Variants in ABTB3 observed in about 807,000 individuals in gnomAD.
ABTB3 encodes the protein ankyrin repeat- and BTB/POZ domain-containing protein 3.
the ABTB3 span, chr12:107,620,312 A>G: frequency 9.5e-7 from 1 of 1,056,702 alleles, no homozygotes; most frequent in Non-Finnish European, 1.4e-6. Context: ...CAGCAGACGA[A>G]AGCTACCTGT....
chr12:107,617,367 G>A, the ABTB3 span: 1 of 1,614,056 alleles, frequency 6.2e-7, no homozygotes, highest in African/African-American at 1.3e-5. Flanking sequence ...ACCATGTACA[G>A]GAATGGAATT....
the ABTB3 span, among the ~76,000 whole-genome samples, chr12:107,500,554 A>G: frequency 2.4e-4 from 37 of 152,298 alleles, no homozygotes; most frequent in Non-Finnish European, 4.4e-4. Flanking sequence ...GACCTTGGAC[A>G]AGTCACTAAA....
the ABTB3 span, among the ~76,000 whole-genome samples, chr12:107,422,191 G>T: frequency 6.6e-6 from 1 of 152,098 alleles, no homozygotes; most frequent in Non-Finnish European, 1.5e-5. Flanking sequence ...TCTAGATGGA[G>T]GAAGGAACAA....
At chr12:107,425,005 G>A in the ABTB3 span, among the ~76,000 whole-genome samples, 20 of 152,234 alleles carry the variant, frequency 1.3e-4, no homozygotes, top group Middle Eastern at 3.4e-3. Flanking sequence ...TCCATGCTGC[G>A]GACACAACAT....
At chr12:107,392,896 C>T in the ABTB3 span, among the ~76,000 whole-genome samples, 5 of 152,182 alleles carry the variant, frequency 3.3e-5, no homozygotes, top group African/African-American at 4.8e-5. Flanking sequence ...GAAGCTCTCC[C>T]GCCCTGTGGA....
the ABTB3 span, chr12:107,617,010 C>T: frequency 3.5e-6 from 5 of 1,413,670 alleles, no homozygotes; most frequent in Non-Finnish European, 4.0e-6. Context: ...TGGCATCTCA[C>T]CCATCCCAGC....
chr12:107,522,571 GTCTC>G, the ABTB3 span, among the ~76,000 whole-genome samples: 6 of 141,958 alleles, frequency 4.2e-5, no homozygotes, highest in East Asian at 1.1e-3. Context: ...TTTTTTAATT[GTCTC>G]TCTCTCTCTC....
chr12:107,387,972 C>CTTT, the ABTB3 span, among the ~76,000 whole-genome samples: 503 of 120,168 alleles, frequency 4.2e-3, 16 homozygotes, highest in East Asian at 5.0e-3. Context: ...TCTTCTTCTT[C>CTTT]TTTTTTTTTT....
chr12:107,329,688 T>A, the ABTB3 span, among the ~76,000 whole-genome samples: 2 of 152,212 alleles, frequency 1.3e-5, no homozygotes, highest in Admixed American at 1.3e-4. Flanking sequence ...CTTTGTTACA[T>A]GAGAGTAATA....
chr12:107,612,849 G>A, the ABTB3 span: 15 of 1,613,554 alleles, frequency 9.3e-6, no homozygotes, highest in African/African-American at 6.7e-5. Flanking sequence ...GCTGGATGCC[G>A]GAGCTGACCT....
At chr12:107,385,638 GT>G in the ABTB3 span, among the ~76,000 whole-genome samples, 4 of 152,158 alleles carry the variant, frequency 2.6e-5, no homozygotes, top group Non-Finnish European at 5.9e-5. Context: ...GGGCTGAGAT[GT>G]TCCTTGGAAA....
chr12:107,427,457 T>C, the ABTB3 span, among the ~76,000 whole-genome samples: 1 of 152,114 alleles, frequency 6.6e-6, no homozygotes, highest in East Asian at 1.9e-4. Flanking sequence ...ATTTTTTATT[T>C]TTTGTAGACA....
At chr12:107,387,972 C>CTTTTTTT in the ABTB3 span, among the ~76,000 whole-genome samples, 2 of 120,206 alleles carry the variant, frequency 1.7e-5, no homozygotes, top group African/African-American at 6.6e-5. Context: ...TCTTCTTCTT[C>CTTTTTTT]TTTTTTTTTT....
the ABTB3 span, among the ~76,000 whole-genome samples, chr12:107,442,288 G>A: frequency 2.6e-5 from 4 of 152,170 alleles, no homozygotes; most frequent in Admixed American, 2.6e-4. Context: ...AGAGTAATTC[G>A]GGTCCTATTA....
the ABTB3 span, among the ~76,000 whole-genome samples, chr12:107,479,848 C>T: frequency 2.0e-5 from 3 of 152,118 alleles, no homozygotes; most frequent in African/African-American, 4.8e-5. Context: ...GATGTAGGCA[C>T]TATGATTAGC....
At chr12:107,335,286 CAAAAAAAAAAAAAAAAAAA>C in the ABTB3 span, among the ~76,000 whole-genome samples, 62 of 18,648 alleles carry the variant, frequency 3.3e-3, 1 homozygote, top group South Asian at 0.066. Context: ...GACCTTGTCT[CAAAAAAAAAAAAAAAAAAA>C]AAAAAAAAAA....
At chr12:107,319,746 G>T in the ABTB3 span, 2 of 1,524,380 alleles carry the variant, frequency 1.3e-6, no homozygotes, top group Non-Finnish European at 1.8e-6. Flanking sequence ...TCAGGCTCGG[G>T]CTCCGGCCCA....
At chr12:107,359,346 T>C in the ABTB3 span, among the ~76,000 whole-genome samples, 2 of 152,148 alleles carry the variant, frequency 1.3e-5, no homozygotes, top group Admixed American at 1.3e-4. Context: ...GCTAATTAGA[T>C]ACAGATGAGA....
chr12:107,448,850 C>T, the ABTB3 span, among the ~76,000 whole-genome samples: 5 of 152,074 alleles, frequency 3.3e-5, no homozygotes, highest in South Asian at 4.1e-4. Context: ...GGATTATGGG[C>T]GTGAGCCACC....
Sources: gnomAD v4.1 joint callset for allele counts (sites outside exome capture counted in the v4.1 genomes callset) on GRCh38, gnomAD v4.1.1 for gene constraint, MANE v1.5 for transcripts, NCBI Gene and HGNC (gene_info 2026-07-23, HGNC 2026-07-21) for gene names.